Variants in VAV3 observed in about 807,000 individuals in gnomAD.
VAV3 encodes guanine nucleotide exchange factor VAV3.
A neutral mutation model predicts 131.2 loss-of-function variants in VAV3; 94 were observed. The ratio of observed to expected loss-of-function variants is 0.72; its 90% CI spans 0.61 to 0.85. The LOEUF is 0.85. Among genes scored for constraint, VAV3 ranks in the 40% least tolerant of loss-of-function variants. VAV3 has a pLI of 0.00. For missense variants in VAV3, 939 were observed against 1,002.7 expected (o/e 0.94, Z 0.86); for synonymous variants, 349 against 342.0 (o/e 1.02, Z -0.22).
chr1:107,700,981 A>G (rs893033339), intron 17 of VAV3, among the ~76,000 whole-genome samples: 3 of 152,098 alleles, frequency 2.0e-5, no homozygotes, highest in African/African-American at 7.2e-5. Context: ...TGACTTTTTA[A>G]TAATTGCCAT....
In VAV3 at chr1:107,617,604, C is replaced by T; in HGVS notation, c.1943G>A (p.Gly648Glu). 1 of 1,612,394 alleles carries T rather than the reference C, an allele frequency of 6.2e-7. No individual in the cohort carries two copies. The highest frequency in any genetic ancestry group is 1.1e-5 in the South Asian group (1 of 90,890). ...CTTGACTGCATCACTTGGAAAAAAT[C>T]CAACCTCTCCAGATGCTAAATTTCT... is the stretch of plus-strand genomic sequence containing the variant. ...QGRNLASGEV[G>E]FFPSDAVKPC... The change falls in exon 21 of 27, where the codon GGA becomes GAA. Residue 648 changes from glycine (G) to glutamate (E), a missense_variant. Transcript: ENST00000370056.
At chr1:107,951,456 A>C (rs12564964) in intron 1 of VAV3, among the ~76,000 whole-genome samples, 8,811 of 152,314 alleles carry the variant, frequency 0.058, 350 homozygotes, top group African/African-American at 0.11. Flanking sequence ...GAAATACAAA[A>C]GCAAAAATTG....
chr1:107,855,144 T>C (rs1378125377), intron 2 of VAV3, among the ~76,000 whole-genome samples: 1 of 152,194 alleles, frequency 6.6e-6, no homozygotes, highest in East Asian at 1.9e-4. Flanking sequence ...TGGCTAAGTC[T>C]AACTGCAAGG....
rs144660984 is a variant in VAV3 at position 107,849,963 on chromosome 1, T to C, written c.321+24938A>G. 5.1e-3 allele frequency among the ~76,000 whole-genome samples: 776 copies of C among 152,226 alleles called. 8 individuals carry two copies. The highest frequency in any genetic ancestry group is 0.018 in the African/African-American group (735 of 41,524). ...AAGACATTTATGTGGCCAACACACA[T>C]ATGAAGAAAAGCTGATCATCACTGG... On this transcript the variant is annotated intron_variant, in intron 2 of 26. Transcript: ENST00000370056.
At chr1:107,896,069 G>A (rs1274100922) in intron 1 of VAV3, among the ~76,000 whole-genome samples, 2 of 152,026 alleles carry the variant, frequency 1.3e-5, no homozygotes, top group Non-Finnish European at 2.9e-5. Flanking sequence ...TTTCTCCCAT[G>A]GCCACAAGCA....
intron 2 of VAV3, among the ~76,000 whole-genome samples, chr1:107,858,850 T>C (rs1203149995): frequency 6.6e-6 from 1 of 152,214 alleles, no homozygotes; most frequent in East Asian, 1.9e-4. Flanking sequence ...TGGGCAAGAA[T>C]ATGACATCTC....
intron 2 of VAV3, among the ~76,000 whole-genome samples, chr1:107,786,177 G>A (rs1051801340): frequency 6.6e-6 from 1 of 152,192 alleles, no homozygotes. Context: ...TTGTTCAAGA[G>A]AGTAGAGTAT....
At chr1:107,837,634 A>G (rs973546054) in intron 2 of VAV3, among the ~76,000 whole-genome samples, 1 of 152,194 alleles carries the variant, frequency 6.6e-6, no homozygotes, top group Non-Finnish European at 1.5e-5. Flanking sequence ...CCAACTTGAA[A>G]CTACACTACA....
intron 17 of VAV3, among the ~76,000 whole-genome samples, chr1:107,688,847 C>A (rs546658910): frequency 1.2e-3 from 188 of 152,160 alleles, no homozygotes; most frequent in African/African-American, 4.4e-3. Flanking sequence ...ATACATAGTA[C>A]AACATTTCGT....
Position 107,652,459 on chromosome 1 carries a change from A to G in VAV3, c.1778-9704T>C, listed in dbSNP as rs141680364. Among the ~76,000 whole-genome samples, 332 of 152,212 alleles carry G rather than the reference A, an allele frequency of 2.2e-3. 2 individuals are homozygous for G. The highest frequency in any genetic ancestry group is 3.5e-3 in the African/African-American group (145 of 41,548). ...AATAAAGTTGCTTTCACTTTACTCT[A>G]TGAACTCACCTGAATTAGTTCTTGT... On this transcript the variant is annotated intron_variant, in intron 19 of 26. Coordinates refer to ENST00000370056, the MANE Select transcript of VAV3 (RefSeq NM_006113.5).
intron 19 of VAV3, among the ~76,000 whole-genome samples, chr1:107,679,308 CAA>C (rs1206718859): frequency 1.3e-5 from 2 of 152,140 alleles, no homozygotes; most frequent in African/African-American, 2.4e-5. Flanking sequence ...ATCTGAGAAA[CAA>C]GAGTTGTCAG....
At chr1:107,888,596 T>A (rs868507061) in intron 1 of VAV3, among the ~76,000 whole-genome samples, 29 of 152,116 alleles carry the variant, frequency 1.9e-4, no homozygotes, top group African/African-American at 9.7e-5. Context: ...GTAGCTGGGA[T>A]GACAGGTGCC....
chr1:107,705,185 C>T (rs1370433174), intron 15 of VAV3, 124 bp from the exon 16 acceptor site: 5 of 725,060 alleles, frequency 6.9e-6, no homozygotes, highest in African/African-American at 5.3e-5. Flanking sequence ...AAAATGACTA[C>T]TAAATGTGCA....
At chr1:107,594,722 C>A (rs192460635) in intron 25 of VAV3, among the ~76,000 whole-genome samples, 3 of 152,124 alleles carry the variant, frequency 2.0e-5, no homozygotes, top group East Asian at 3.9e-4. Context: ...TCTCTGAGTA[C>A]CTCCATGTAC....
intron 2 of VAV3, among the ~76,000 whole-genome samples, chr1:107,856,558 T>C (rs989460321): frequency 1.3e-5 from 2 of 152,216 alleles, no homozygotes; most frequent in African/African-American, 4.8e-5. Flanking sequence ...ATTACTGTTA[T>C]AATAGTTAAT....
chr1:107,614,799 T>C (rs1653018710), intron 21 of VAV3, among the ~76,000 whole-genome samples: 1 of 152,122 alleles, frequency 6.6e-6, no homozygotes, highest in African/African-American at 2.4e-5. Context: ...AGACTATCCC[T>C]AAAACAAAAC....
chr1:107,584,341 G>A (rs1468745109), intron 25 of VAV3, among the ~76,000 whole-genome samples: 1 of 152,096 alleles, frequency 6.6e-6, no homozygotes, highest in Non-Finnish European at 1.5e-5. Context: ...TCAGGACATA[G>A]GCATGGGCAA....
chr1:107,722,516 TC>T (rs1415926670), intron 15 of VAV3, among the ~76,000 whole-genome samples: 1 of 152,104 alleles, frequency 6.6e-6, no homozygotes, highest in Non-Finnish European at 1.5e-5. Context: ...ACAACCACCC[TC>T]AAAAAATATT....
At chr1:107,573,395 A>G in intron 26 of VAV3, 23 bp from the exon 27 acceptor site, 1 of 1,613,870 alleles carries the variant, frequency 6.2e-7, no homozygotes, top group Non-Finnish European at 8.5e-7. Flanking sequence ...AGCAACCAAC[A>G]CAGCAACATG....
Sources: gnomAD v4.1 joint callset for allele counts (sites outside exome capture counted in the v4.1 genomes callset) on GRCh38, gnomAD v4.1.1 for gene constraint, MANE v1.5 for transcripts, NCBI Gene and HGNC (gene_info 2026-07-23, HGNC 2026-07-21) for gene names.